The following MACROD2 variants were observed in gnomAD, a reference collection of about 807,000 sequenced individuals.
MACROD2 encodes ADP-ribose glycohydrolase MACROD2.
In MACROD2, 36 loss-of-function variants were observed where a neutral mutation model predicts 70.4. The observed-to-expected ratio is 0.51, with a 90% CI of 0.39 to 0.68. The LOEUF is 0.68. Among genes scored for constraint, MACROD2 ranks in the 30% least tolerant of loss-of-function variants. The pLI, the probability that MACROD2 is intolerant of heterozygous loss-of-function variation, is 0.00. For missense variants in MACROD2, 496 were observed against 538.4 expected (o/e 0.92, Z 0.78); for synonymous variants, 172 against 178.8 (o/e 0.96, Z 0.30).
intron 12 of MACROD2, among the ~76,000 whole-genome samples, chr20:15,960,163 G>A (rs2066039103): frequency 6.6e-6 from 1 of 152,156 alleles, no homozygotes; most frequent in Admixed American, 6.5e-5. Context: ...TTCTCTCCTG[G>A]TATGTGGAGC....
chr20:14,063,407 A>G (rs376217784), intron 2 of MACROD2, among the ~76,000 whole-genome samples: 12 of 152,280 alleles, frequency 7.9e-5, no homozygotes, highest in African/African-American at 2.9e-4. Flanking sequence ...TCTATGCTCA[A>G]TTTTAGGCAC....
intron 4 of MACROD2, 104 bp downstream of exon 4, chr20:14,493,612 G>A: frequency 7.9e-6 from 7 of 891,254 alleles, no homozygotes; most frequent in Admixed American, 2.1e-5. Flanking sequence ...TAATTTTGCT[G>A]TAGTCATCAA....
chr20:14,327,278 A>G, intron 3 of MACROD2: 3 of 1,613,808 alleles, frequency 1.9e-6, no homozygotes, highest in Non-Finnish European at 2.5e-6. Flanking sequence ...TTCAAATCTG[A>G]AGGAATCCCA....
At chr20:15,912,681 A>T (rs1601117616) in intron 10 of MACROD2, among the ~76,000 whole-genome samples, 1 of 152,338 alleles carries the variant, frequency 6.6e-6, no homozygotes, top group East Asian at 1.9e-4. Context: ...TTTCTCATTT[A>T]CCAAAAGGTG....
chr20:14,432,697 CT>C (rs1429200105), intron 3 of MACROD2, among the ~76,000 whole-genome samples: 1 of 152,140 alleles, frequency 6.6e-6, no homozygotes, highest in East Asian at 1.9e-4. Flanking sequence ...GGTATGAGGC[CT>C]TTTCAGAGTC....
intron 4 of MACROD2, among the ~76,000 whole-genome samples, chr20:14,646,890 G>T (rs1209452743): frequency 6.6e-6 from 1 of 152,042 alleles, no homozygotes; most frequent in African/African-American, 2.4e-5. Flanking sequence ...GTGTGTGTTT[G>T]TGTGTTTCTT....
chr20:14,418,143 G>A (rs535134137), intron 3 of MACROD2, among the ~76,000 whole-genome samples: 110 of 151,996 alleles, frequency 7.2e-4, no homozygotes, highest in Non-Finnish European at 1.1e-3. Flanking sequence ...GTGTCTTTTG[G>A]GCTGTCATAC....
chr20:15,988,496 C>A (rs1226825621), intron 15 of MACROD2, among the ~76,000 whole-genome samples: 1 of 152,084 alleles, frequency 6.6e-6, no homozygotes, highest in Admixed American at 6.6e-5. Flanking sequence ...CCTCTTTTGA[C>A]TTGACCTATA....
At chr20:15,026,861 C>G (rs527751739) in intron 5 of MACROD2, among the ~76,000 whole-genome samples, 1 of 152,290 alleles carries the variant, frequency 6.6e-6, no homozygotes, top group African/African-American at 2.4e-5. Context: ...TACACAGAGG[C>G]TGATGTCTTA....
At chr20:15,569,683 C>T (rs933792026) in intron 8 of MACROD2, among the ~76,000 whole-genome samples, 5 of 152,144 alleles carry the variant, frequency 3.3e-5, no homozygotes, top group African/African-American at 4.8e-5. Context: ...TTTAGCATTA[C>T]GTCCTCCAGA....
chr20:15,911,353 A>T (rs528770895), intron 10 of MACROD2, among the ~76,000 whole-genome samples: 11 of 152,364 alleles, frequency 7.2e-5, no homozygotes, highest in African/African-American at 2.4e-4. Flanking sequence ...TTGATCATTG[A>T]ATTCTTGTGT....
rs466921 is a variant in MACROD2 at position 15,590,544 on chromosome 20, A to G, written c.645+90697A>G. Among the ~76,000 whole-genome samples, 1,310 of 152,320 alleles carry G rather than the reference A, an allele frequency of 8.6e-3. 11 individuals carry two copies. The highest frequency in any genetic ancestry group is 0.031 in the Middle Eastern group (9 of 294). On this transcript the variant is annotated intron_variant, in intron 8 of 17. Coordinates refer to ENST00000684519, the MANE Select transcript of MACROD2 (RefSeq NM_001351661.2). The stretch of plus-strand genomic sequence containing the variant: ...GAGTCTTTCTTTTCTGGTGCAGTCA[A>G]CATGAATTTCTAGTTAGCAACTTAG...
intron 5 of MACROD2, among the ~76,000 whole-genome samples, chr20:15,139,851 G>A (rs990172064): frequency 6.6e-6 from 1 of 152,164 alleles, no homozygotes; most frequent in Admixed American, 6.5e-5. Context: ...GTGGTGACAT[G>A]CACAAGTGGC....
intron 8 of MACROD2, among the ~76,000 whole-genome samples, chr20:15,705,051 T>G (rs936277661): frequency 6.6e-6 from 1 of 152,196 alleles, no homozygotes; most frequent in African/African-American, 2.4e-5. Flanking sequence ...TTTATTAATT[T>G]CTATTATTAC....
chr20:14,916,403 A>C (rs79862280), intron 5 of MACROD2, among the ~76,000 whole-genome samples: 3 of 152,112 alleles, frequency 2.0e-5, no homozygotes, highest in African/African-American at 7.2e-5. Flanking sequence ...AAAAACAAAA[A>C]CTTGGGCGAA....
At chr20:14,401,880 G>A (rs2083641530) in intron 3 of MACROD2, among the ~76,000 whole-genome samples, 1 of 151,918 alleles carries the variant, frequency 6.6e-6, no homozygotes, top group Non-Finnish European at 1.5e-5. Flanking sequence ...TATGGGAGAG[G>A]GTGTGTCAGT....
At chr20:15,974,923 T>C (rs559888355) in intron 13 of MACROD2, among the ~76,000 whole-genome samples, 1 of 152,068 alleles carries the variant, frequency 6.6e-6, no homozygotes, top group African/African-American at 2.4e-5. Context: ...AAAATTGTAA[T>C]AGATAAATGT....
At chr20:14,458,692 C>A (rs1040747647) in intron 3 of MACROD2, among the ~76,000 whole-genome samples, 4 of 151,866 alleles carry the variant, frequency 2.6e-5, no homozygotes, top group Non-Finnish European at 4.4e-5. Context: ...GAGTTGTATC[C>A]TTTACAACAT....
At chr20:14,925,560 A>T (rs986672446) in intron 5 of MACROD2, among the ~76,000 whole-genome samples, 1 of 152,114 alleles carries the variant, frequency 6.6e-6, no homozygotes, top group African/African-American at 2.4e-5. Context: ...CATTTCCCCC[A>T]TTGGAAATTG....
Sources: gnomAD v4.1 joint callset for allele counts (sites outside exome capture counted in the v4.1 genomes callset) on GRCh38, gnomAD v4.1.1 for gene constraint, MANE v1.5 for transcripts, NCBI Gene and HGNC (gene_info 2026-07-23, HGNC 2026-07-21) for gene names.